Variants in PSMD14 observed in about 807,000 individuals in gnomAD.
The protein encoded by PSMD14 is ubiquitin C-terminal hydrolase PSMD14.
Under a neutral mutation model 41.2 loss-of-function variants are expected in PSMD14, and 7 were observed. The observed-to-expected ratio is 0.17, with a 90% CI of 0.10 to 0.32. The LOEUF is 0.32. PSMD14 is among the 10% of genes least tolerant of loss of function. PSMD14 has a pLI of 1.00. For synonymous variants in PSMD14, 114 were observed against 122.3 expected, an observed-to-expected ratio of 0.93 and a Z score of 0.45; for missense variants, 139 against 375.6, an observed-to-expected ratio of 0.37 and a Z score of 5.21.
At chr2:161,376,936 G>A (rs1683510316) in intron 7 of PSMD14, among the ~76,000 whole-genome samples, 1 of 151,838 alleles carries the variant, frequency 6.6e-6, no homozygotes, top group African/African-American at 2.4e-5. Flanking sequence ...CCAAAAAACT[G>A]CAGTTAATTT....
intron 3 of PSMD14, among the ~76,000 whole-genome samples, chr2:161,333,646 A>C (rs544293332): frequency 3.9e-5 from 6 of 152,372 alleles, no homozygotes; most frequent in African/African-American, 1.4e-4. Flanking sequence ...TTCTTCTTCC[A>C]GAGTAGATCA....
At chr2:161,402,702 A>G (rs1473812984) in intron 10 of PSMD14, among the ~76,000 whole-genome samples, 1 of 152,062 alleles carries the variant, frequency 6.6e-6, no homozygotes, top group African/African-American at 2.4e-5. Context: ...AAACAGGAAA[A>G]AAAAAAAGAA....
At chr2:161,391,930 CT>C (rs544490865) in intron 9 of PSMD14, among the ~76,000 whole-genome samples, 16 of 152,122 alleles carry the variant, frequency 1.1e-4, no homozygotes, top group Non-Finnish European at 2.1e-4. Context: ...CATGTTTACT[CT>C]AAAGAAAACT....
intron 11 of PSMD14, 45 bp from the exon 12 acceptor site, chr2:161,411,257 A>T: frequency 4.6e-6 from 6 of 1,312,772 alleles, no homozygotes; most frequent in Non-Finnish European, 6.3e-6. Context: ...TTTATCTACC[A>T]GTAATATGGT....
chr2:161,369,245 T>G (rs1330734381), intron 5 of PSMD14, among the ~76,000 whole-genome samples: 1 of 152,048 alleles, frequency 6.6e-6, no homozygotes, highest in Non-Finnish European at 1.5e-5. Context: ...GATCCCTATA[T>G]TCACTCTAAT....
intron 7 of PSMD14, among the ~76,000 whole-genome samples, chr2:161,374,833 T>C (rs1389671228): frequency 6.6e-6 from 1 of 151,998 alleles, no homozygotes; most frequent in Non-Finnish European, 1.5e-5. Context: ...AAAACTAGCA[T>C]ACAACTTAAT....
At chr2:161,343,198 G>C (rs1682992033) in intron 3 of PSMD14, among the ~76,000 whole-genome samples, 1 of 152,154 alleles carries the variant, frequency 6.6e-6, no homozygotes, top group Non-Finnish European at 1.5e-5. Context: ...CTGAAACTCT[G>C]TACCCATTAG....
intron 3 of PSMD14, among the ~76,000 whole-genome samples, chr2:161,356,124 C>T (rs1315775571): frequency 6.6e-6 from 1 of 152,044 alleles, no homozygotes; most frequent in Non-Finnish European, 1.5e-5. Context: ...CAGCTGAAAT[C>T]ATGCATTGAA....
intron 3 of PSMD14, among the ~76,000 whole-genome samples, chr2:161,360,448 C>T (rs560043740): frequency 8.6e-5 from 13 of 151,952 alleles, no homozygotes; most frequent in South Asian, 4.2e-4. Flanking sequence ...CTCCACATCC[C>T]GTGTTCAAGC....
At chr2:161,383,870 G>A (rs756516416) in intron 7 of PSMD14, 2 of 151,520 alleles carry the variant, frequency 1.3e-5, no homozygotes, top group Admixed American at 6.6e-5. Context: ...TTTTTAGTAT[G>A]AGTGTGAGGA....
chr2:161,335,098 T>C (rs190415296), intron 3 of PSMD14, among the ~76,000 whole-genome samples: 2 of 152,360 alleles, frequency 1.3e-5, no homozygotes. Flanking sequence ...AGGGAGTTTT[T>C]ATGAGAAACA....
chr2:161,311,064 T>C (rs1248690957), intron 1 of PSMD14, among the ~76,000 whole-genome samples: 1 of 152,196 alleles, frequency 6.6e-6, no homozygotes, highest in Non-Finnish European at 1.5e-5. Flanking sequence ...CCCAGCACTT[T>C]GGGAGGCTGA....
intron 7 of PSMD14, among the ~76,000 whole-genome samples, chr2:161,375,964 G>A (rs370034988): frequency 6.6e-6 from 1 of 151,666 alleles, no homozygotes; most frequent in South Asian, 2.1e-4. Flanking sequence ...TTTTCTTTCA[G>A]GGGTGGGTAG....
At chr2:161,392,178 C>T (rs1023552175) in intron 9 of PSMD14, among the ~76,000 whole-genome samples, 2 of 152,120 alleles carry the variant, frequency 1.3e-5, no homozygotes, top group African/African-American at 2.4e-5. Context: ...GAACCAGTTT[C>T]CCCCCTTTAC....
intron 3 of PSMD14, among the ~76,000 whole-genome samples, chr2:161,326,528 A>G (rs1199900660): frequency 1.3e-5 from 2 of 152,254 alleles, no homozygotes; most frequent in Non-Finnish European, 2.9e-5. Context: ...GGATTACCGT[A>G]TAATCCAGCA....
At chr2:161,318,602 A>AT (rs1689170489) in intron 2 of PSMD14, among the ~76,000 whole-genome samples, 1 of 152,194 alleles carries the variant, frequency 6.6e-6, no homozygotes, top group Non-Finnish European at 1.5e-5. Context: ...AAAACTGGGG[A>AT]TAACCCAAAA....
At chr2:161,340,098 G>C (rs1269233047) in intron 3 of PSMD14, among the ~76,000 whole-genome samples, 2 of 152,166 alleles carry the variant, frequency 1.3e-5, no homozygotes, top group Non-Finnish European at 2.9e-5. Context: ...AAACATTATT[G>C]CTTCTGCTAT....
intron 10 of PSMD14, among the ~76,000 whole-genome samples, chr2:161,399,119 G>A (rs1683840946): frequency 6.6e-6 from 1 of 152,110 alleles, no homozygotes; most frequent in African/African-American, 2.4e-5. Context: ...AAATGTAAAT[G>A]TATAAGTGTG....
At chr2:161,371,064 G>T (rs930558722) in intron 6 of PSMD14, 108 bp from the exon 7 acceptor site, 4 of 1,268,978 alleles carry the variant, frequency 3.2e-6, no homozygotes, top group African/African-American at 1.5e-5. Context: ...ACACCTGTGT[G>T]TTTTTCATCT....
Sources: gnomAD v4.1 joint callset for allele counts (sites outside exome capture counted in the v4.1 genomes callset) on GRCh38, gnomAD v4.1.1 for gene constraint, MANE v1.5 for transcripts, NCBI Gene and HGNC (gene_info 2026-07-23, HGNC 2026-07-21) for gene names.